The following SMYD3 variants were observed in gnomAD, a reference collection of about 807,000 sequenced individuals.
The protein encoded by SMYD3 is SET and MYND domain containing 3, also known as histone-lysine N-methyltransferase SMYD3.
Under a neutral mutation model 57.7 loss-of-function variants are expected in SMYD3, and 36 were observed. The observed-to-expected ratio is 0.62, with a 90% CI of 0.48 to 0.82. SMYD3 has a LOEUF of 0.82. SMYD3 is among the 40% of genes least tolerant of loss of function. The pLI, the probability that SMYD3 is intolerant of heterozygous loss-of-function variation, is 0.00. For synonymous variants in SMYD3, 211 were observed against 195.0 expected, an observed-to-expected ratio of 1.08 and a Z score of -0.68; for missense variants, 515 against 538.8, an observed-to-expected ratio of 0.96 and a Z score of 0.44.
chr1:245,900,165 G>C (rs1043854955), intron 8 of SMYD3, among the ~76,000 whole-genome samples: 16 of 152,012 alleles, frequency 1.1e-4, no homozygotes, highest in African/African-American at 3.9e-4. Context: ...TAAAGAAAAT[G>C]GTCTCAGTGG....
intron 5 of SMYD3, among the ~76,000 whole-genome samples, chr1:245,950,275 A>G (rs1024006861): frequency 1.3e-5 from 2 of 152,124 alleles, no homozygotes. Context: ...ACCGACCCCC[A>G]CACTGCCCCT....
intron 5 of SMYD3, among the ~76,000 whole-genome samples, chr1:245,996,760 T>A (rs2058938878): frequency 6.6e-6 from 1 of 152,148 alleles, no homozygotes; most frequent in African/African-American, 2.4e-5. Context: ...CTTTCCAGTG[T>A]CCCCATCCAA....
At chr1:245,847,500 G>C (rs1473328536) in intron 10 of SMYD3, among the ~76,000 whole-genome samples, 1 of 152,210 alleles carries the variant, frequency 6.6e-6, no homozygotes, top group East Asian at 1.9e-4. Context: ...TAATGTGTTT[G>C]AGTCATTCAA....
intron 5 of SMYD3, among the ~76,000 whole-genome samples, chr1:245,997,685 C>T (rs1332803339): frequency 2.0e-5 from 3 of 152,162 alleles, no homozygotes; most frequent in Non-Finnish European, 4.4e-5. Context: ...CACCCACCAT[C>T]GTGATTCCCA....
chr1:246,040,032 T>C (rs193291761), intron 5 of SMYD3, among the ~76,000 whole-genome samples: 55 of 152,360 alleles, frequency 3.6e-4, no homozygotes, highest in Middle Eastern at 6.8e-3. Flanking sequence ...TGTGATGTAA[T>C]AGAATTAAGT....
chr1:246,377,010 G>C (rs893464366), intron 1 of SMYD3, among the ~76,000 whole-genome samples: 1 of 152,094 alleles, frequency 6.6e-6, no homozygotes, highest in Admixed American at 6.5e-5. Flanking sequence ...TGAGGCAGGA[G>C]AATCACTTGA....
intron 5 of SMYD3, among the ~76,000 whole-genome samples, chr1:245,954,291 C>T (rs1269135739): frequency 6.6e-6 from 1 of 152,090 alleles, no homozygotes; most frequent in African/African-American, 2.4e-5. Context: ...GTCAATATGG[C>T]AATTATACCA....
intron 5 of SMYD3, chr1:246,179,254 T>C (rs1191810990): frequency 1.3e-5 from 2 of 153,096 alleles, no homozygotes; most frequent in South Asian, 4.1e-4. Flanking sequence ...CAGAGTGATA[T>C]GGACCTTCGC....
chr1:246,258,992 C>T (rs575953610), intron 5 of SMYD3, among the ~76,000 whole-genome samples: 1 of 152,300 alleles, frequency 6.6e-6, no homozygotes, highest in East Asian at 1.9e-4. Flanking sequence ...CTTTCTTCTA[C>T]TTGGTCCAAA....
chr1:245,927,532 T>G (rs1471602477), intron 7 of SMYD3, among the ~76,000 whole-genome samples: 2 of 152,166 alleles, frequency 1.3e-5, no homozygotes, highest in Non-Finnish European at 2.9e-5. Context: ...GAAGAAGTCT[T>G]GGGGATCCCA....
intron 4 of SMYD3, among the ~76,000 whole-genome samples, chr1:246,330,122 T>G (rs779435068): frequency 6.6e-6 from 1 of 152,130 alleles, no homozygotes; most frequent in Non-Finnish European, 1.5e-5. Flanking sequence ...GGAATCCCCC[T>G]GTTCACTAAT....
intron 7 of SMYD3, among the ~76,000 whole-genome samples, chr1:245,916,031 G>C (rs1437963233): frequency 1.3e-5 from 2 of 152,156 alleles, no homozygotes; most frequent in Non-Finnish European, 2.9e-5. Context: ...CGAAAGGGTG[G>C]CAGATGATAC....
chr1:246,001,867 C>T (rs1021857632), intron 5 of SMYD3, among the ~76,000 whole-genome samples: 1 of 152,108 alleles, frequency 6.6e-6, no homozygotes, highest in Non-Finnish European at 1.5e-5. Context: ...CAGAAAGAGA[C>T]CTGGGATCCT....
chr1:245,833,073 A>AAAAAAAAAAAAAAAAAAAAAAACAAC, intron 10 of SMYD3, among the ~76,000 whole-genome samples: 1 of 128,652 alleles, frequency 7.8e-6, no homozygotes, highest in African/African-American at 3.0e-5. Context: ...AAAAAAAAAA[A>AAAAAAAAAAAAAAAAAAAAAAACAAC]AACCTGCTTT....
intron 1 of SMYD3, among the ~76,000 whole-genome samples, chr1:246,363,142 CCGGCAGCCGCCCCG>C (rs1332349710): frequency 1.9e-4 from 29 of 151,240 alleles, no homozygotes; most frequent in African/African-American, 7.0e-4. Context: ...GCCCCTCCGC[CCGGCAGCCGCCCCG>C]TCTGAGAAGT....
chr1:246,497,321 C>T (rs1572058862), intron 1 of SMYD3, among the ~76,000 whole-genome samples: 1 of 152,286 alleles, frequency 6.6e-6, no homozygotes, highest in Non-Finnish European at 1.5e-5. Context: ...CAAAATTTAA[C>T]TTGTTTGCCC....
intron 5 of SMYD3, among the ~76,000 whole-genome samples, chr1:246,264,693 T>G (rs1479247131): frequency 2.0e-5 from 3 of 152,228 alleles, no homozygotes; most frequent in Non-Finnish European, 4.4e-5. Context: ...AATCCTTTTC[T>G]GTCCACATCT....
chr1:246,144,048 C>T (rs1023574140), intron 5 of SMYD3, among the ~76,000 whole-genome samples: 1 of 152,206 alleles, frequency 6.6e-6, no homozygotes, highest in Non-Finnish European at 1.5e-5. Context: ...ATTTTCTTCT[C>T]CATTCCCTGA....
intron 5 of SMYD3, among the ~76,000 whole-genome samples, chr1:246,243,603 G>T (rs2063653838): frequency 6.6e-6 from 1 of 151,682 alleles, no homozygotes. Context: ...CAGTTATACT[G>T]TACATTATAT....
Sources: allele counts gnomAD v4.1 joint callset (sites outside exome capture counted in the v4.1 genomes callset), GRCh38; gene constraint gnomAD v4.1.1; transcripts MANE v1.5; gene names NCBI Gene and HGNC (gene_info 2026-07-23, HGNC 2026-07-21).